Variants in CANX observed in about 807,000 individuals in gnomAD.
CANX encodes the protein epididymis secretory sperm binding protein.
A neutral mutation model predicts 75.7 loss-of-function variants in CANX; 14 were observed. The ratio of observed to expected loss-of-function variants is 0.19; its 90% CI spans 0.12 to 0.29. The LOEUF is 0.29. Among genes scored for constraint, CANX ranks in the 10% least tolerant of loss-of-function variants. The probability of loss-of-function intolerance (pLI) is 1.00; values close to 1 mark genes in which losing one functional copy is unlikely to be tolerated. For synonymous variants in CANX, 227 were observed against 236.9 expected, an observed-to-expected ratio of 0.96 and a Z score of 0.38; for missense variants, 567 against 713.2, an observed-to-expected ratio of 0.79 and a Z score of 2.34.
chr5:179,712,711 A>G (rs909112065), intron 7 of CANX, among the ~76,000 whole-genome samples: 2 of 147,496 alleles, frequency 1.4e-5, no homozygotes, highest in East Asian at 4.1e-4. Flanking sequence ...GGCGTGAGCC[A>G]CCGCGCCTGG....
At chr5:179,693,306 G>C (rs888798675) in intron 1 of CANX, among the ~76,000 whole-genome samples, 1 of 152,120 alleles carries the variant, frequency 6.6e-6, no homozygotes, top group African/African-American at 2.4e-5. Flanking sequence ...TTGGAAGGCT[G>C]AGGCAGGGAG....
rs1778807635 is a variant in CANX, at chr5:179,728,507, C to T, written c.1726-84C>T. 5 of 789,876 alleles carry T rather than the reference C, an allele frequency of 6.3e-6. No individual in the cohort carries two copies. In the East Asian group the frequency reaches 1.1e-4, roughly 17 times the overall value. 48.9% of individuals were successfully genotyped at this position (789,876 alleles called of 1,614,324 possible). A position where few individuals can be genotyped will look rare whatever the true frequency, so the allele number is the denominator to read the frequency against. On this transcript the variant is annotated intron_variant, in intron 14 of 14. Coordinates refer to ENST00000247461, the MANE Select transcript of CANX (RefSeq NM_001746.4). Reference sequence around the variant, plus strand: ...TTTTTTTCCTCAAATAAGTTACCCTCAGTCTGGCTGATCTTGAAAATATGG... The same window carrying T: ...TTTTTTTCCTCAAATAAGTTACCCTTAGTCTGGCTGATCTTGAAAATATGG...
chr5:179,711,736 C>T (rs1225266490), intron 7 of CANX, among the ~76,000 whole-genome samples: 1 of 147,666 alleles, frequency 6.8e-6, no homozygotes, highest in Non-Finnish European at 1.5e-5. Flanking sequence ...TTGCAGTGAG[C>T]CAGATTGTGA....
rs904804054 is a variant in CANX at position 179,678,771 on chromosome 5, G to C, written c.-10G>C. On this transcript the variant is annotated 5_prime_UTR_variant, in exon 1 of 15. Transcript: ENST00000681674. Reference sequence around the variant, plus strand: ...ATGTCTATGAGCAGTTCCTGCTGCAGCTTCAGGTAGTTGTTCTCCTCCAGC... The same window carrying C: ...ATGTCTATGAGCAGTTCCTGCTGCACCTTCAGGTAGTTGTTCTCCTCCAGC... 47 of 1,536,964 alleles carry C rather than the reference G, an allele frequency of 3.1e-5. No homozygotes were observed. The African/African-American group carries it at 4.8e-4, about 16-fold the overall frequency.
intron 7 of CANX, among the ~76,000 whole-genome samples, chr5:179,712,975 G>T (rs1777683157): frequency 6.6e-6 from 1 of 150,852 alleles, no homozygotes; most frequent in Middle Eastern, 3.4e-3. Context: ...CACCATGTTG[G>T]CCAGGCTGGT....
intron 14 of CANX, among the ~76,000 whole-genome samples, chr5:179,727,197 T>C (rs1778721341): frequency 2.0e-5 from 3 of 152,232 alleles, no homozygotes; most frequent in Non-Finnish European, 4.4e-5. Context: ...TGCCAGGCAT[T>C]GTCAGTGAGT....
At chr5:179,698,893 G>GTGGCTA, upstream of CANX, 1 of 1,154,768 alleles carries the variant, frequency 8.7e-7, no homozygotes, top group East Asian at 7.2e-5. Context: ...GGGACTTGGC[G>GTGGCTA]CCGGCTGTGG....
intron 13 of CANX, 63 bp from the exon 14 acceptor site, chr5:179,726,617 A>T: frequency 9.1e-7 from 1 of 1,104,760 alleles, no homozygotes; most frequent in Non-Finnish European, 1.4e-6. Context: ...GATGTGTTCT[A>T]ATGCTAATAT....
chr5:179,682,776 G>T (rs983836820), intron 1 of CANX, among the ~76,000 whole-genome samples: 1 of 149,832 alleles, frequency 6.7e-6, no homozygotes, highest in African/African-American at 2.5e-5. Flanking sequence ...GGGAAATACA[G>T]AAAGTGATTT....
At chr5:179,702,226 TA>T (rs1479284009) in intron 1 of CANX, among the ~76,000 whole-genome samples, 1 of 151,582 alleles carries the variant, frequency 6.6e-6, no homozygotes, top group African/African-American at 2.4e-5. Context: ...TTTTTTTTCC[TA>T]ATTTTTCATA....
At chr5:179,707,651 T>TA (rs1446906822) in intron 4 of CANX, among the ~76,000 whole-genome samples, 1 of 122,116 alleles carries the variant, frequency 8.2e-6, no homozygotes, top group Non-Finnish European at 1.8e-5. Context: ...CCTAATTTTT[T>TA]TTTTTTTTTT....
At chr5:179,721,768 T>G (rs1464580428) in intron 10 of CANX, among the ~76,000 whole-genome samples, 1 of 152,170 alleles carries the variant, frequency 6.6e-6, no homozygotes, top group Non-Finnish European at 1.5e-5. Flanking sequence ...GAGTGGCAAT[T>G]AAAATTATTT....
chr5:179,709,764 C>G (rs1777399987), intron 6 of CANX, 109 bp from the exon 7 acceptor site: 1 of 669,456 alleles, frequency 1.5e-6, no homozygotes, highest in African/African-American at 1.9e-5. Flanking sequence ...CTTTAACTGT[C>G]ACTAATATAT....
At chr5:179,685,927 G>A (rs1024438812) in intron 1 of CANX, among the ~76,000 whole-genome samples, 69 of 152,006 alleles carry the variant, frequency 4.5e-4, no homozygotes, top group Non-Finnish European at 7.5e-4. Flanking sequence ...CTGACCTCAG[G>A]TTATCTGTCT....
At chr5:179,698,890 G>C, upstream of CANX, 1 of 1,154,690 alleles carries the variant, frequency 8.7e-7, no homozygotes, top group South Asian at 1.6e-5. Flanking sequence ...GGCGGGACTT[G>C]GCGCCGGCTG....
chr5:179,711,090 G>A (rs1229648900), intron 7 of CANX, among the ~76,000 whole-genome samples: 3 of 151,940 alleles, frequency 2.0e-5, no homozygotes, highest in African/African-American at 7.2e-5. Context: ...CTTCACTTTA[G>A]TATCTTAGTT....
chr5:179,719,825 TTTG>T, intron 9 of CANX, 44 bp downstream of exon 9: 2 of 1,121,908 alleles, frequency 1.8e-6, no homozygotes, highest in African/African-American at 1.6e-5. Flanking sequence ...GGTTTTTTTG[TTTG>T]TTTTTTTTTT....
intron 1 of CANX, among the ~76,000 whole-genome samples, chr5:179,701,405 G>A (rs543428069): frequency 6.6e-6 from 1 of 151,820 alleles, no homozygotes; most frequent in Non-Finnish European, 1.5e-5. Flanking sequence ...AACCAGCCTC[G>A]CCAAAATGGT....
intron 13 of CANX, among the ~76,000 whole-genome samples, chr5:179,726,330 G>A (rs1162235691): frequency 2.0e-5 from 3 of 152,056 alleles, no homozygotes; most frequent in East Asian, 3.9e-4. Context: ...TGTAATCCCA[G>A]CACTTTGGGA....
Sources: gnomAD v4.1 joint callset for allele counts (sites outside exome capture counted in the v4.1 genomes callset) on GRCh38, gnomAD v4.1.1 for gene constraint, MANE v1.5 for transcripts, NCBI Gene and HGNC (gene_info 2026-07-23, HGNC 2026-07-21) for gene names.